Variants in TP73 observed in about 807,000 individuals in gnomAD.
TP73 encodes tumor protein p73.
TP73 carries 25 observed loss-of-function variants against 62.5 expected under a neutral mutation model. The observed-to-expected ratio is 0.40, with a 90% CI of 0.29 to 0.56. TP73 has a LOEUF of 0.56. Ranked by LOEUF, TP73 falls within the 20% of genes least tolerant of loss-of-function variation. The pLI is 0.46. For synonymous variants in TP73, 423 were observed against 377.5 expected (o/e 1.12, Z -1.40); for missense variants, 754 against 913.3 (o/e 0.83, Z 2.25).
chr1:3,683,220 G>A (rs1179237608), intron 3 of TP73, 40 bp downstream of exon 3: 1 of 1,571,726 alleles, frequency 6.4e-7, no homozygotes, highest in East Asian at 2.3e-5. Context: ...GACTGGAGTG[G>A]GGACAACAAA....
chr1:3,713,643 C>CCCCT (rs1640347670), intron 4 of TP73, among the ~76,000 whole-genome samples: 1 of 152,326 alleles, frequency 6.6e-6, no homozygotes, highest in African/African-American at 2.4e-5. Flanking sequence ...GGAGGCCCAG[C>CCCCT]CCCTGCCTCT....
chr1:3,678,859 C>T (rs1246061694), intron 1 of TP73, among the ~76,000 whole-genome samples: 3 of 152,218 alleles, frequency 2.0e-5, no homozygotes, highest in Admixed American at 6.5e-5. Context: ...CTGGTCCACA[C>T]GCCTGCACCT....
rs774822513 is a variant in TP73 at position 3,722,156 on chromosome 1, G to A, written c.565G>A (p.Asp189Asn). ...PVYKKAEHVT[D>N]VVKRCPNHEL... ...TTACAAGAAAGCGGAGCACGTGACC[G>A]ACGTCGTGAAACGCTGCCCCAACCA... Residue 189 changes from aspartate (D) to asparagine (N), a missense_variant, in exon 5 of 14, where the codon GAC becomes AAC. Around this residue, in one of 3 missense-constraint regions of TP73, gnomAD observed 61 missense variants for 133.2 expected, o/e 0.46. Transcript: ENST00000378295. 8 of 1,612,550 alleles carry A rather than the reference G, an allele frequency of 5.0e-6. No homozygotes were observed. The Admixed American group carries it at 5.0e-5, about 10-fold the overall frequency.
intron 3 of TP73, among the ~76,000 whole-genome samples, chr1:3,703,350 A>G (rs1474830133): frequency 6.6e-6 from 1 of 151,998 alleles, no homozygotes; most frequent in Non-Finnish European, 1.5e-5. Flanking sequence ...ATGAGAGGGG[A>G]CCAGAGGGAG....
rs370269044 is a variant in TP73, at chr1:3,727,278, G to A, written c.842+54G>A. On this transcript the variant is annotated intron_variant, in intron 7 of 13. Transcript: ENST00000378295. Reference sequence around the variant, plus strand: ...GGGACAGGGCTGGGCAGGCACGGCCGGGGGAGAAGGGGAGCTGTCATGGAG... The same window carrying A: ...GGGACAGGGCTGGGCAGGCACGGCCAGGGGAGAAGGGGAGCTGTCATGGAG... 842 of 1,499,444 alleles carry A rather than the reference G, an allele frequency of 5.6e-4. 1 individual carries two copies. Among genetic ancestry groups the A allele is most frequent in the Admixed American group, 2.5e-3 (143 of 57,026 alleles). 92.9% of individuals were successfully genotyped at this position (1,499,444 alleles called of 1,614,324 possible). A position where few individuals can be genotyped will look rare whatever the true frequency, so the allele number is the denominator to read the frequency against.
At chr1:3,700,672 TG>T (rs1639084229) in intron 3 of TP73, among the ~76,000 whole-genome samples, 1 of 151,630 alleles carries the variant, frequency 6.6e-6, no homozygotes. Context: ...TCCCAGCTAC[TG>T]GGGAGGCTGA....
intron 1 of TP73, among the ~76,000 whole-genome samples, chr1:3,678,643 G>A (rs1027982829): frequency 6.6e-6 from 1 of 152,254 alleles, no homozygotes; most frequent in African/African-American, 2.4e-5. Context: ...TGAGGAACCC[G>A]ATTCCCATGG....
Position 3,699,740 on chromosome 1 carries a change from G to A in TP73, c.187-7809G>A, listed in dbSNP as rs370927489. Among the ~76,000 whole-genome samples the A allele has an allele frequency of 4.7e-4, 72 of 152,330 alleles. 1 individual carries two copies. Among genetic ancestry groups the A allele is most frequent in the East Asian group, 1.4e-3 (7 of 5,180 alleles). ...GGGCGGGGAGCAGGGATGCTCGGGC[G>A]GGGGCAGGAGCTGGAGAGGTGACAG... On this transcript the variant is annotated intron_variant, in intron 3 of 13. Coordinates refer to ENST00000378295, the MANE Select transcript of TP73 (RefSeq NM_005427.4). This position sits in a 1 kb window ranked among gnomAD's most constrained non-coding sequence, Gnocchi z 4.1.
At chr1:3,718,181 G>T (rs1432619688) in intron 4 of TP73, among the ~76,000 whole-genome samples, 1 of 152,212 alleles carries the variant, frequency 6.6e-6, no homozygotes, top group African/African-American at 2.4e-5. Flanking sequence ...GAGTACCAGG[G>T]ACAGCTCCCG....
rs3765726 is a variant in TP73 at position 3,689,993 on chromosome 1, G to A, written c.186+6813G>A. The stretch of plus-strand genomic sequence containing the variant: ...CTCAAAGGCCCCACTAGACGGGTGC[G>A]GGGCACCACTGCAGAGCCCCTCCCT... On this transcript the variant is annotated intron_variant, in intron 3 of 13. Transcript: ENST00000378295. Among the ~76,000 whole-genome samples, 123 of 152,320 alleles carry A rather than the reference G, an allele frequency of 8.1e-4. 4 individuals are homozygous for A. The East Asian group carries it at 0.022, about 28-fold the overall frequency.
intron 3 of TP73, among the ~76,000 whole-genome samples, chr1:3,686,687 A>G (rs748339311): frequency 6.6e-5 from 10 of 152,198 alleles, no homozygotes; most frequent in Non-Finnish European, 1.2e-4. Flanking sequence ...AGCAGGAAAC[A>G]GACCCCGTGG....
At chr1:3,656,044 C>T (rs556410091) in intron 1 of TP73, among the ~76,000 whole-genome samples, 49 of 152,182 alleles carry the variant, frequency 3.2e-4, no homozygotes, top group African/African-American at 1.2e-3. Context: ...GGGCGTGGTG[C>T]GGGCACCTGT....
intron 1 of TP73, chr1:3,668,827 G>A (rs1160042689): frequency 6.6e-6 from 1 of 152,420 alleles, no homozygotes; most frequent in African/African-American, 2.4e-5. Context: ...ACAAAGCTGG[G>A]TGGAGACAGC....
In TP73 at chr1:3,727,744, C is replaced by T; in HGVS notation, c.959C>T (p.Ala320Val). 1 of 1,551,294 alleles carries T rather than the reference C, an allele frequency of 6.4e-7. No homozygotes were observed. Among genetic ancestry groups the T allele is most frequent in the Admixed American group, 2.0e-5 (1 of 51,154 alleles). ...REQQALNESSAKNGAASKRAF... is the reference protein window; with the variant it reads ...REQQALNESSVKNGAASKRAF... ...CAGCAGGCCCTGAACGAGAGCTCCG[C>T]CAAGAACGGGGCCGCCAGCAAGCGT... The change falls in exon 8 of 14, where the codon GCC (alanine) becomes GTC (valine). Residue 320 changes from alanine (A) to valine (V), a missense_variant. Ala to Val is a moderately conservative substitution (Grantham distance 64). Around this residue, in one of 3 missense-constraint regions of TP73, gnomAD observed 458 missense variants for 528.7 expected, o/e 0.87. Transcript: ENST00000378295.
intron 1 of TP73, among the ~76,000 whole-genome samples, chr1:3,674,160 T>C (rs773651741): frequency 6.6e-6 from 1 of 152,172 alleles, no homozygotes; most frequent in Non-Finnish European, 1.5e-5. Flanking sequence ...AGGAAGCTGG[T>C]TGGGGGCACC....
intron 1 of TP73, among the ~76,000 whole-genome samples, chr1:3,667,122 A>G (rs1645136090): frequency 6.6e-6 from 1 of 152,148 alleles, no homozygotes; most frequent in African/African-American, 2.4e-5. Flanking sequence ...GCCAAGGAAT[A>G]TGCCTGCGGA....
rs146632180 is a variant in TP73 at position 3,728,183 on chromosome 1, G to T, written c.1040G>T (p.Arg347Leu). The T allele has an allele frequency of 1.9e-6, 3 of 1,612,034 alleles. No individual in the cohort carries two copies. Among genetic ancestry groups the T allele is most frequent in the Non-Finnish European group, 2.5e-6 (3 of 1,179,960 alleles). ...VPALGAGVKKRRHGDEDTYYL... is the reference protein window; with the variant it reads ...VPALGAGVKKLRHGDEDTYYL... Reference sequence around the variant, plus strand: ...GCCCTTGGTGCCGGTGTGAAGAAGCGGCGGCATGGAGACGAGGACACGTAC... The same window carrying T: ...GCCCTTGGTGCCGGTGTGAAGAAGCTGCGGCATGGAGACGAGGACACGTAC... The change falls in exon 9 of 14, where the codon CGG becomes CTG. Residue 347 changes from arginine to leucine, a missense_variant. Around this residue, in one of 3 missense-constraint regions of TP73, gnomAD observed 458 missense variants for 528.7 expected, o/e 0.87. Coordinates refer to ENST00000378295, the MANE Select transcript of TP73 (RefSeq NM_005427.4).
At chr1:3,718,247 C>G (rs1038483809) in intron 4 of TP73, among the ~76,000 whole-genome samples, 1 of 152,166 alleles carries the variant, frequency 6.6e-6, no homozygotes, top group African/African-American at 2.4e-5. Context: ...CAGTGCTCCC[C>G]GCGCCTGGGC....
intron 1 of TP73, among the ~76,000 whole-genome samples, chr1:3,674,184 G>C (rs1003350520): frequency 6.6e-6 from 1 of 152,212 alleles, no homozygotes; most frequent in East Asian, 1.9e-4. Flanking sequence ...ACCCACGGGG[G>C]GTCGGGCATT....
Sources: gnomAD v4.1 joint callset for allele counts (sites outside exome capture counted in the v4.1 genomes callset) on GRCh38, gnomAD v4.1.1 for gene constraint, gnomAD v4.1.1 regional missense constraint, Gnocchi (gnomAD v3.1) non-coding constraint, MANE v1.5 for transcripts, NCBI Gene and HGNC (gene_info 2026-07-23, HGNC 2026-07-21) for gene names.